NFATC2IP: variants seen among roughly 807,000 people sequenced by gnomAD.
The protein encoded by NFATC2IP is NFATC2-interacting protein.
Under a neutral mutation model 40.2 loss-of-function variants are expected in NFATC2IP, and 25 were observed. That is an observed-to-expected ratio of 0.62 (90% CI 0.45 to 0.87). The LOEUF (loss-of-function observed/expected upper bound fraction) is 0.87, where lower values mean the gene tolerates loss of function less well. NFATC2IP is among the 40% of genes least tolerant of loss of function. The probability of loss-of-function intolerance (pLI) is 0.00; values close to 1 mark genes in which losing one functional copy is unlikely to be tolerated. For missense variants in NFATC2IP, 553 were observed against 555.6 expected, an observed-to-expected ratio of 1.00 and a Z score of 0.05; for synonymous variants, 241 against 236.3, an observed-to-expected ratio of 1.02 and a Z score of -0.18.
At chr16:28,955,826 C>G (rs922054634) in intron 3 of NFATC2IP, 152 bp from the exon 4 acceptor site, 1 of 650,226 alleles carries the variant, frequency 1.5e-6, no homozygotes, top group Admixed American at 2.7e-5. Flanking sequence ...TGGGCTCGAG[C>G]GATCCTCCTG....
rs1312585418 is a variant in NFATC2IP at position 28,965,351 on chromosome 16, G to A, written c.*1488G>A. On this transcript the variant is annotated 3_prime_UTR_variant, in exon 8 of 8. Transcript: ENST00000320805. ...TTCACTGGTAATCCCAGCACTTTGG[G>A]AGGCCCAGGCAGAAGGATCGCTGCA... The A allele has an allele frequency of 6.6e-6, 1 of 152,082 alleles. No homozygotes were observed. Among genetic ancestry groups the A allele is most frequent in the Non-Finnish European group, 1.5e-5 (1 of 68,036 alleles). The allele number at this position is 152,082 out of a possible 1,614,324, so 9.4% of individuals were successfully genotyped here. A position where few individuals can be genotyped will look rare whatever the true frequency, so the allele number is the denominator to read the frequency against.
rs1354406654 is a variant in NFATC2IP at position 28,956,229 on chromosome 16, A to G, written c.738A>G (p.Gln246=). 6.2e-7 allele frequency: 1 copy of G among 1,614,062 alleles called. No individual in the cohort carries two copies. The highest frequency in any genetic ancestry group is 1.7e-5 in the Admixed American group (1 of 59,996). The part of the protein sequence containing the change: ...KPPQGQEQQG[Q]EDEVVLVEGP... ...CTCAGGGTCAAGAGCAACAGGGCCA[A>G]GAGGATGAAGTGGTCTTGGTGGAAG... The change falls in exon 5 of 8, where the codon CAA becomes CAG. Residue 246 remains glutamine (Q), a synonymous_variant. Coordinates refer to ENST00000320805, the MANE Select transcript of NFATC2IP (RefSeq NM_032815.4).
intron 5 of NFATC2IP, among the ~76,000 whole-genome samples, chr16:28,958,041 C>T (rs1168301992): frequency 6.6e-6 from 1 of 151,318 alleles, no homozygotes; most frequent in East Asian, 2.0e-4. Context: ...GACTCTGCCT[C>T]AGATCTCACC....
At chr16:28,954,788 G>T in intron 3 of NFATC2IP, 106 bp downstream of exon 3, 1 of 669,096 alleles carries the variant, frequency 1.5e-6, no homozygotes, top group South Asian at 1.8e-5. Context: ...TAAGAAGAAG[G>T]GATAGAAGGA....
chr16:28,958,653 G>T (rs745535975), intron 5 of NFATC2IP, 64 bp from the exon 6 acceptor site: 1 of 1,392,288 alleles, frequency 7.2e-7, no homozygotes, highest in Non-Finnish European at 9.9e-7. Context: ...TGTTTGGGTG[G>T]TGTGGCTGGG....
chr16:28,961,050 A>G, intron 7 of NFATC2IP, among the ~76,000 whole-genome samples: 1 of 152,134 alleles, frequency 6.6e-6, no homozygotes, highest in African/African-American at 2.4e-5. Context: ...AGCTTTGGCC[A>G]GGCACAGTGC....
At position 28,964,055 on chromosome 16, in the gene NFATC2IP, G is replaced by C. The variant is rs75797916; in HGVS notation, c.*192G>C. On this transcript the variant is annotated 3_prime_UTR_variant, in exon 8 of 8. Transcript: ENST00000320805. ...TAACCACTTGGTGAGTTATGTGGGT[G>C]TTGTTGCCCTGGGTGGCCTGTGGCT... 5.8e-3 allele frequency: 3,423 copies of C among 587,666 alleles called. 87 individuals are homozygous for C. The highest frequency in any genetic ancestry group is 0.056 in the African/African-American group (3,022 of 53,750). 36.4% of individuals were successfully genotyped at this position (587,666 alleles called of 1,614,324 possible). A position where few individuals can be genotyped will look rare whatever the true frequency, so the allele number is the denominator to read the frequency against.
chr16:28,956,359 G>A, intron 5 of NFATC2IP, 22 bp downstream of exon 5: 1 of 1,600,262 alleles, frequency 6.2e-7, no homozygotes, highest in Non-Finnish European at 8.6e-7. Flanking sequence ...AGGCCCATGG[G>A]AGAAGGACCC....
intron 7 of NFATC2IP, among the ~76,000 whole-genome samples, chr16:28,961,561 G>T (rs1965087143): frequency 6.6e-6 from 1 of 151,868 alleles, no homozygotes; most frequent in Non-Finnish European, 1.5e-5. Flanking sequence ...AGATATGGGG[G>T]AAGAAAACAA....
rs1031552509 is a variant in NFATC2IP, at chr16:28,965,267, T to C, written c.*1404T>C. 6.6e-6 allele frequency: 1 copy of C among 152,150 alleles called. No homozygotes were observed. The highest frequency in any genetic ancestry group is 1.5e-5 in the Non-Finnish European group (1 of 68,034). The allele number at this position is 152,150 out of a possible 1,614,324, so 9.4% of individuals were successfully genotyped here. A position where few individuals can be genotyped will look rare whatever the true frequency, so the allele number is the denominator to read the frequency against. On this transcript the variant is annotated 3_prime_UTR_variant, in exon 8 of 8. Transcript: ENST00000320805. ...TTGGTTTATTCTCAGGAGTTGCTTGTACATTCTTGGGCAATTGCAGATAAT... is the reference window on the plus strand; with the variant it reads ...TTGGTTTATTCTCAGGAGTTGCTTGCACATTCTTGGGCAATTGCAGATAAT...
At chr16:28,958,356 CAAA>C (rs373309094) in intron 5 of NFATC2IP, 25 of 115,968 alleles carry the variant, frequency 2.2e-4, no homozygotes, top group Admixed American at 1.3e-3. Flanking sequence ...AACTCCGTCT[CAAA>C]AAAAAAAAAA....
At chr16:28,962,417 AC>A (rs1177553628) in intron 7 of NFATC2IP, among the ~76,000 whole-genome samples, 1 of 152,108 alleles carries the variant, frequency 6.6e-6, no homozygotes, top group African/African-American at 2.4e-5. Flanking sequence ...AGTTCTCCAA[AC>A]CCTGTCCTCT....
intron 7 of NFATC2IP, among the ~76,000 whole-genome samples, chr16:28,961,676 G>A (rs1056311678): frequency 5.7e-4 from 86 of 151,890 alleles, no homozygotes; most frequent in African/African-American, 2.0e-3. Context: ...TGAGGTGGGC[G>A]GATCACGAGG....
intron 5 of NFATC2IP, chr16:28,956,694 C>T (rs1965026560): frequency 9.0e-6 from 2 of 221,608 alleles, no homozygotes; most frequent in Non-Finnish European, 1.8e-5. Flanking sequence ...GCTGGGATTC[C>T]AGGTGTGAAG....
chr16:28,952,382 G>A (rs542332113), intron 2 of NFATC2IP, 178 bp downstream of exon 2: 6 of 993,070 alleles, frequency 6.0e-6, no homozygotes, highest in South Asian at 3.4e-5. Context: ...ATGTATTAAT[G>A]TATACATTTC....
Position 28,963,961 on chromosome 16 carries a change from T to C in NFATC2IP, c.*98T>C, listed in dbSNP as rs1373021187. On this transcript the variant is annotated 3_prime_UTR_variant, in exon 8 of 8. Transcript: ENST00000320805. ...CTAGCATAAGCTGAGGTAGAACTTA[T>C]CTTTAAGCTGCAGCAAAATCAAGGA... 5 of 1,134,428 alleles carry C rather than the reference T, an allele frequency of 4.4e-6. No individual in the cohort carries two copies. The highest frequency in any genetic ancestry group is 5.0e-5 in the East Asian group (2 of 39,852). 70.3% of individuals were successfully genotyped at this position (1,134,428 alleles called of 1,614,324 possible). A position where few individuals can be genotyped will look rare whatever the true frequency, so the allele number is the denominator to read the frequency against.
intron 7 of NFATC2IP, among the ~76,000 whole-genome samples, chr16:28,961,866 C>A (rs1340310449): frequency 6.9e-6 from 1 of 144,950 alleles, no homozygotes; most frequent in Non-Finnish European, 1.5e-5. Context: ...AGCCACTGCA[C>A]TCCAGCCTGG....
intron 5 of NFATC2IP, among the ~76,000 whole-genome samples, chr16:28,957,416 G>T (rs1180514950): frequency 6.6e-6 from 1 of 151,988 alleles, no homozygotes; most frequent in Non-Finnish European, 1.5e-5. Context: ...GCCAAGGTGA[G>T]AGGATCACTT....
Position 28,956,139 on chromosome 16 carries a change from T to C in NFATC2IP, c.660-12T>C, listed in dbSNP as rs1361524741. On this transcript the variant is annotated splice_polypyrimidine_tract_variant and intron_variant, in intron 4 of 7. Transcript: ENST00000320805. ...TGACTCCAGTTGACCCAGAGTCCTG[T>C]CTGCACTGCAGTGAGGTGAACAAGC... 5.0e-6 allele frequency: 8 copies of C among 1,613,808 alleles called. No homozygotes were observed. The highest frequency in any genetic ancestry group is 1.3e-5 in the African/African-American group (1 of 74,886).
Sources: allele counts gnomAD v4.1 joint callset (sites outside exome capture counted in the v4.1 genomes callset), GRCh38; gene constraint gnomAD v4.1.1; transcripts MANE v1.5; gene names NCBI Gene and HGNC (gene_info 2026-07-23, HGNC 2026-07-21).